The following UBAC2 variants were observed in gnomAD, a reference collection of about 807,000 sequenced individuals.
The protein encoded by UBAC2 is UBA domain containing 2.
A neutral mutation model predicts 44.0 loss-of-function variants in UBAC2; 26 were observed. That is an observed-to-expected ratio of 0.59 (90% CI 0.43 to 0.82). The LOEUF is 0.82. Among genes scored for constraint, UBAC2 ranks in the 40% least tolerant of loss-of-function variants. UBAC2 has a pLI of 0.00. For missense variants in UBAC2, 329 were observed against 419.4 expected (o/e 0.78, Z 1.88); for synonymous variants, 155 against 154.3 (o/e 1.00, Z -0.04).
intron 1 of UBAC2, among the ~76,000 whole-genome samples, chr13:99,227,335 T>C (rs912139092): frequency 6.6e-6 from 1 of 152,100 alleles, no homozygotes; most frequent in East Asian, 1.9e-4. Flanking sequence ...GCAAGTTACC[T>C]AGGAGGGGTC....
chr13:99,325,456 A>G (rs1337678265), intron 6 of UBAC2, among the ~76,000 whole-genome samples: 1 of 152,090 alleles, frequency 6.6e-6, no homozygotes, highest in African/African-American at 2.4e-5. Flanking sequence ...GTTTCTTCCA[A>G]CTATATCCCC....
At chr13:99,324,448 T>C (rs2044610645) in intron 6 of UBAC2, among the ~76,000 whole-genome samples, 2 of 152,096 alleles carry the variant, frequency 1.3e-5, no homozygotes, top group Non-Finnish European at 2.9e-5. Flanking sequence ...CTCCTCAGAC[T>C]CCAGAATGAA....
rs1438082766 is a variant in UBAC2 at position 99,232,420 on chromosome 13, A to ATATATATATATATATATATT, written c.32-6006_32-6005insATATATATATATATATATTT. The stretch of plus-strand genomic sequence containing the variant: ...GAGAGATATAGATATATATATATAT[A>ATATATATATATATATATATT]TTCACACACACATACTCTAAGGACC... On this transcript the variant is annotated intron_variant, in intron 1 of 8. Transcript: ENST00000403766. Among the ~76,000 whole-genome samples the ATATATATATATATATATATT allele has an allele frequency of 4.9e-5, 7 of 142,610 alleles. 1 individual carries two copies. Among genetic ancestry groups the ATATATATATATATATATATT allele is most frequent in the African/African-American group, 1.3e-4 (5 of 38,998 alleles). 93.6% of individuals were successfully genotyped at this position (142,610 alleles called of 152,430 possible).
At chr13:99,384,478 C>G (rs183210650) in intron 8 of UBAC2, among the ~76,000 whole-genome samples, 9 of 152,190 alleles carry the variant, frequency 5.9e-5, no homozygotes, top group Non-Finnish European at 1.3e-4. Flanking sequence ...CAGGAAATCT[C>G]CGTATTCACA....
At chr13:99,255,295 G>GTCA (rs1229780920) in intron 4 of UBAC2, 1 of 1,613,952 alleles carries the variant, frequency 6.2e-7, no homozygotes, top group African/African-American at 1.3e-5. Context: ...GAAAAAAAAT[G>GTCA]TCAGTCGAGT....
chr13:99,374,990 C>T (rs570055149), intron 8 of UBAC2, among the ~76,000 whole-genome samples: 1 of 152,204 alleles, frequency 6.6e-6, no homozygotes, highest in Non-Finnish European at 1.5e-5. Context: ...CCAGGTTTTT[C>T]CATTGCTTGC....
chr13:99,370,388 T>C (rs939116986), intron 8 of UBAC2, among the ~76,000 whole-genome samples: 3 of 152,254 alleles, frequency 2.0e-5, no homozygotes, highest in African/African-American at 7.2e-5. Flanking sequence ...TAGAAACTTT[T>C]CTAAGTTTGA....
intron 1 of UBAC2, among the ~76,000 whole-genome samples, chr13:99,222,345 C>T (rs1356008514): frequency 6.6e-6 from 1 of 152,136 alleles, no homozygotes; most frequent in Non-Finnish European, 1.5e-5. Context: ...GTGGGAAGAA[C>T]ATTTTGGGTA....
At chr13:99,367,965 T>C in intron 8 of UBAC2, 59 bp downstream of exon 8, 1 of 1,579,982 alleles carries the variant, frequency 6.3e-7, no homozygotes, top group Non-Finnish European at 8.6e-7. Context: ...GTTGAAGCAG[T>C]TTCGATCAAC....
At chr13:99,355,524 C>G (rs950886209) in intron 7 of UBAC2, among the ~76,000 whole-genome samples, 2 of 152,182 alleles carry the variant, frequency 1.3e-5, no homozygotes, top group African/African-American at 4.8e-5. Context: ...GCTGTGGAAC[C>G]CTGTGGTCCC....
At chr13:99,321,033 G>A (rs2044560886) in intron 6 of UBAC2, among the ~76,000 whole-genome samples, 1 of 152,206 alleles carries the variant, frequency 6.6e-6, no homozygotes, top group South Asian at 2.1e-4. Flanking sequence ...TTTGGGGAAT[G>A]TTACAAAACC....
intron 4 of UBAC2, among the ~76,000 whole-genome samples, chr13:99,309,643 C>T (rs1372753458): frequency 1.3e-5 from 2 of 152,176 alleles, no homozygotes; most frequent in Non-Finnish European, 2.9e-5. Context: ...CTCTGTTGCC[C>T]AGGCTGGAGT....
intron 1 of UBAC2, among the ~76,000 whole-genome samples, chr13:99,202,390 A>G (rs913569320): frequency 1.1e-4 from 17 of 152,224 alleles, no homozygotes; most frequent in Admixed American, 9.2e-4. Flanking sequence ...CAAGAAGGCA[A>G]TGTGGTTTTC....
chr13:99,301,769 C>T (rs75721036), intron 4 of UBAC2, among the ~76,000 whole-genome samples: 275 of 152,294 alleles, frequency 1.8e-3, no homozygotes, highest in African/African-American at 6.5e-3. Flanking sequence ...CTAATTTACT[C>T]GTTCAAGTAA....
chr13:99,239,875 G>C (rs148210951), intron 2 of UBAC2, among the ~76,000 whole-genome samples: 1 of 152,270 alleles, frequency 6.6e-6, no homozygotes, highest in African/African-American at 2.4e-5. Flanking sequence ...GACATCCTTG[G>C]GGGGTGATCA....
chr13:99,303,745 A>G lies in UBAC2; in HGVS notation c.390-10352A>G, dbSNP rs149510228. 2.4e-4 allele frequency among the ~76,000 whole-genome samples: 36 copies of G among 152,252 alleles called. No homozygotes were observed. The East Asian group carries it at 6.9e-3, about 29-fold the overall frequency. ...TCTCTTTCAAGTTCAAGGAGTTTCA[A>G]TTTTGTTTTTGTCTCTTATCAGATG... On this transcript the variant is annotated intron_variant, in intron 4 of 8. Transcript: ENST00000403766.
chr13:99,202,708 C>G (rs887207207), intron 1 of UBAC2, among the ~76,000 whole-genome samples: 4 of 152,062 alleles, frequency 2.6e-5, no homozygotes, highest in Non-Finnish European at 5.9e-5. Context: ...GGTCTGGAGC[C>G]CCTCTGCAGC....
chr13:99,201,801 G>C (rs1258028723), intron 1 of UBAC2, among the ~76,000 whole-genome samples: 1 of 152,208 alleles, frequency 6.6e-6, no homozygotes, highest in Non-Finnish European at 1.5e-5. Context: ...GCCGGGCGCG[G>C]TGGCTCACGC....
rs959264744 is a variant in UBAC2 at position 99,349,935 on chromosome 13, C to T, written c.807+9370C>T. Among the ~76,000 whole-genome samples the T allele has an allele frequency of 7.2e-5, 11 of 152,234 alleles. No homozygotes were observed. In the South Asian group the frequency reaches 1.0e-3, roughly 14 times the overall value. On this transcript the variant is annotated intron_variant, in intron 7 of 8. Coordinates refer to ENST00000403766, the MANE Select transcript of UBAC2 (RefSeq NM_001144072.2). ...TCCAATGAAAGGAGACTCCCTTTCG[C>T]GGTCTGCTAAGTAATGGGTGTCTTC...
Sources: gnomAD v4.1 joint callset for allele counts (sites outside exome capture counted in the v4.1 genomes callset) on GRCh38, gnomAD v4.1.1 for gene constraint, MANE v1.5 for transcripts, NCBI Gene and HGNC (gene_info 2026-07-23, HGNC 2026-07-21) for gene names.